The following DPYD variants were observed in gnomAD, a reference collection of about 807,000 sequenced individuals.
DPYD encodes the protein dihydropyrimidine dehydrogenase [NADP(+)].
DPYD carries 109 observed loss-of-function variants against 116.2 expected under a neutral mutation model. The observed-to-expected ratio is 0.94, with a 90% CI of 0.80 to 1.10. The LOEUF (loss-of-function observed/expected upper bound fraction) is 1.10, where lower values mean the gene tolerates loss of function less well. Ranked by LOEUF, DPYD falls within the 50% of genes least tolerant of loss-of-function variation. The pLI, the probability that DPYD is intolerant of heterozygous loss-of-function variation, is 0.00. For missense variants in DPYD, 1,302 were observed against 1,254.5 expected, an observed-to-expected ratio of 1.04 and a Z score of -0.57; for synonymous variants, 440 against 432.0, an observed-to-expected ratio of 1.02 and a Z score of -0.23.
chr1:97,908,761 C>T (rs1394846616), intron 1 of DPYD, among the ~76,000 whole-genome samples: 1 of 152,088 alleles, frequency 6.6e-6, no homozygotes, highest in African/African-American at 2.4e-5. Context: ...CTTCCTGAAA[C>T]CATCAATCCA....
chr1:97,710,589 T>C (rs1662227098), intron 5 of DPYD, among the ~76,000 whole-genome samples: 1 of 151,844 alleles, frequency 6.6e-6, no homozygotes, highest in Admixed American at 6.6e-5. Context: ...ATTATTAAAA[T>C]AGACATTGAG....
rs192619278 is a variant in DPYD, at chr1:97,359,678, T to G, written c.2058+13883A>C. On this transcript the variant is annotated intron_variant, in intron 16 of 22. Transcript: ENST00000370192. ...TACAACATTCTTAAAGAAAAGAATT[T>G]TCAACCCAAATTTCATATCCAGCCA... Among the ~76,000 whole-genome samples the G allele has an allele frequency of 1.5e-3, 230 of 152,298 alleles. 1 individual carries two copies. The highest frequency in any genetic ancestry group is 5.1e-3 in the African/African-American group (212 of 41,560).
intron 14 of DPYD, among the ~76,000 whole-genome samples, chr1:97,412,181 A>G (rs919982588): frequency 2.0e-5 from 3 of 152,158 alleles, no homozygotes; most frequent in Admixed American, 2.0e-4. Context: ...ACTATAATCA[A>G]TGCATTTGCA....
chr1:97,346,836 G>C (rs1373035286), intron 16 of DPYD, among the ~76,000 whole-genome samples: 6 of 151,848 alleles, frequency 4.0e-5, no homozygotes, highest in Non-Finnish European at 7.4e-5. Context: ...CCTATCTTAA[G>C]AGATATAGCT....
chr1:97,647,949 C>T (rs1343087849), intron 8 of DPYD, among the ~76,000 whole-genome samples: 1 of 151,926 alleles, frequency 6.6e-6, no homozygotes, highest in African/African-American at 2.4e-5. Flanking sequence ...CTCTCTCATC[C>T]ATCTTCTTAA....
At chr1:97,581,963 T>G (rs1383060989) in intron 10 of DPYD, among the ~76,000 whole-genome samples, 2 of 152,146 alleles carry the variant, frequency 1.3e-5, no homozygotes, top group East Asian at 1.9e-4. Context: ...AAGCTCTATG[T>G]AATATGTAAA....
At chr1:97,872,952 G>A (rs1292888396) in intron 2 of DPYD, among the ~76,000 whole-genome samples, 1 of 151,672 alleles carries the variant, frequency 6.6e-6, no homozygotes, top group African/African-American at 2.4e-5. Context: ...TTCTACTCTC[G>A]TGAAATTCCT....
At chr1:97,529,862 CCTTTCCTTCTTTCCT>C (rs1332208129) in intron 12 of DPYD, among the ~76,000 whole-genome samples, 4 of 146,186 alleles carry the variant, frequency 2.7e-5, no homozygotes, top group African/African-American at 7.6e-5. Flanking sequence ...TCCTGTCTTC[CCTTTCCTTCTTTCCT>C]CTTTCCTTCT....
chr1:97,081,605 C>T (rs1649149424), intron 22 of DPYD, among the ~76,000 whole-genome samples: 1 of 151,644 alleles, frequency 6.6e-6, no homozygotes. Context: ...AATGAAGAAG[C>T]AAATTATAAG....
At chr1:97,736,688 T>C (rs965723129) in intron 4 of DPYD, among the ~76,000 whole-genome samples, 1 of 152,106 alleles carries the variant, frequency 6.6e-6, no homozygotes, top group Non-Finnish European at 1.5e-5. Context: ...CCATAATACA[T>C]AGGCCAAAAT....
rs542151234 is a variant in DPYD, at chr1:97,887,255, G to A, written c.40-3881C>T. On this transcript the variant is annotated intron_variant, in intron 1 of 22. Coordinates refer to ENST00000370192, the MANE Select transcript of DPYD (RefSeq NM_000110.4). ...TTTGGGAGGCTGAGGCAAGTGGACT[G>A]CTTGAGGAATTCAAGACCAGCCTGG... Among the ~76,000 whole-genome samples the A allele has an allele frequency of 7.4e-4, 113 of 151,696 alleles. 1 individual carries two copies. Among genetic ancestry groups the A allele is most frequent in the South Asian group, 5.0e-3 (24 of 4,796 alleles).
intron 8 of DPYD, among the ~76,000 whole-genome samples, chr1:97,615,064 T>G (rs1656181070): frequency 6.6e-6 from 1 of 152,174 alleles, no homozygotes; most frequent in Non-Finnish European, 1.5e-5. Context: ...CTAACTATGA[T>G]TAAAGTTAGC....
intron 13 of DPYD, among the ~76,000 whole-genome samples, chr1:97,462,466 G>T (rs1016141368): frequency 1.3e-5 from 2 of 152,112 alleles, no homozygotes; most frequent in African/African-American, 4.8e-5. Flanking sequence ...CCTCCTCTCA[G>T]TCAAGGGCAT....
chr1:97,389,710 T>C (rs1167157316), intron 14 of DPYD, among the ~76,000 whole-genome samples: 1 of 152,092 alleles, frequency 6.6e-6, no homozygotes, highest in African/African-American at 2.4e-5. Flanking sequence ...AGAAAATGTA[T>C]ACACTTTTTG....
intron 13 of DPYD, among the ~76,000 whole-genome samples, chr1:97,460,460 C>A (rs1676953280): frequency 6.6e-6 from 1 of 151,980 alleles, no homozygotes; most frequent in Non-Finnish European, 1.5e-5. Context: ...AAACCCTTGG[C>A]ACAAATTTAT....
intron 3 of DPYD, among the ~76,000 whole-genome samples, chr1:97,773,575 A>C (rs1468950566): frequency 2.0e-5 from 3 of 152,096 alleles, no homozygotes. Flanking sequence ...AGACACGAGG[A>C]GGCACACAGA....
chr1:97,257,555 GTATA>G (rs943775694), intron 18 of DPYD, among the ~76,000 whole-genome samples: 1 of 149,230 alleles, frequency 6.7e-6, no homozygotes, highest in Non-Finnish European at 1.5e-5. Flanking sequence ...ATATGTATAC[GTATA>G]TATATATTTG....
intron 14 of DPYD, among the ~76,000 whole-genome samples, chr1:97,403,738 T>C (rs1200852696): frequency 2.0e-5 from 3 of 152,034 alleles, no homozygotes; most frequent in African/African-American, 7.2e-5. Context: ...TTTTGTTGAC[T>C]TTTTTCAAAT....
chr1:97,290,870 A>C (rs1666097604), intron 18 of DPYD, among the ~76,000 whole-genome samples: 1 of 152,274 alleles, frequency 6.6e-6, no homozygotes, highest in Non-Finnish European at 1.5e-5. Context: ...TCTGCACAGC[A>C]AAAGAAACTA....
Sources: gnomAD v4.1 joint callset for allele counts (sites outside exome capture counted in the v4.1 genomes callset) on GRCh38, gnomAD v4.1.1 for gene constraint, MANE v1.5 for transcripts, NCBI Gene and HGNC (gene_info 2026-07-23, HGNC 2026-07-21) for gene names.